The following ITGB5 variants were observed in gnomAD, a reference collection of about 807,000 sequenced individuals.
The protein encoded by ITGB5 is integrin subunit beta 5, also known as integrin beta-5.
In ITGB5, 38 loss-of-function variants were observed where a neutral mutation model predicts 84.8. That is an observed-to-expected ratio of 0.45 (90% CI 0.35 to 0.59). The LOEUF (loss-of-function observed/expected upper bound fraction) is 0.59. Ranked by LOEUF, ITGB5 falls within the 20% of genes least tolerant of loss-of-function variation. The pLI is 0.01. For missense variants in ITGB5, 905 were observed against 1,034.5 expected, an observed-to-expected ratio of 0.87 and a Z score of 1.72; for synonymous variants, 393 against 414.4, an observed-to-expected ratio of 0.95 and a Z score of 0.63.
At chr3:124,848,283 C>G in intron 4 of ITGB5, 26 bp downstream of exon 4, 1 of 1,610,958 alleles carries the variant, frequency 6.2e-7, no homozygotes, top group Non-Finnish European at 8.5e-7. Flanking sequence ...CTTAAGTACC[C>G]AACAGAAGGG....
intron 13 of ITGB5, 144 bp downstream of exon 13, chr3:124,766,082 A>G: frequency 1.2e-6 from 1 of 822,852 alleles, no homozygotes; most frequent in Non-Finnish European, 1.9e-6. Flanking sequence ...AAAAAGAAAA[A>G]GAAGAAATTG....
At chr3:124,767,085 C>T (rs544178306) in intron 12 of ITGB5, among the ~76,000 whole-genome samples, 1 of 152,326 alleles carries the variant, frequency 6.6e-6, no homozygotes, top group Non-Finnish European at 1.5e-5. Context: ...CAAGGCTTCC[C>T]TGGGAGAGGG....
Position 124,819,762 on chromosome 3 carries a change from T to G in ITGB5, c.1015A>C (p.Lys339Gln). The G allele has an allele frequency of 6.2e-7, 1 of 1,613,542 alleles. No individual in the cohort carries two copies. The highest frequency in any genetic ancestry group is 8.5e-7 in the Non-Finnish European group (1 of 1,179,432). ...NNINLIFAVTKNHYMLYKNFT... is the reference protein window; with the variant it reads ...NNINLIFAVTQNHYMLYKNFT... ...ACCTTGTACAGCATATAATGGTTTT[T>G]TGTCACTGCAAAGATGAGGTTGATG... The change falls in exon 7 of 15, where the codon AAA (lysine) becomes CAA (glutamine). Residue 339 changes from lysine (K) to glutamine (Q), a missense_variant. Lys to Gln is a moderately conservative substitution (Grantham distance 53). Coordinates refer to ENST00000296181, the MANE Select transcript of ITGB5 (RefSeq NM_002213.5).
Position 124,775,218 on chromosome 3 carries a change from G to C in ITGB5, c.1694-1306C>G, listed in dbSNP as rs552881063. Among the ~76,000 whole-genome samples, 385 of 152,158 alleles carry C rather than the reference G, an allele frequency of 2.5e-3. 3 individuals carry two copies. The highest frequency in any genetic ancestry group is 8.5e-3 in the African/African-American group (352 of 41,382). The stretch of plus-strand genomic sequence containing the variant: ...AATGTGTGTGCTTGTGAGAAAGCGA[G>C]TGTGAGTGTGTATGAGTGTGTGAGT... On this transcript the variant is annotated intron_variant, in intron 10 of 14. Coordinates refer to ENST00000296181, the MANE Select transcript of ITGB5 (RefSeq NM_002213.5).
chr3:124,778,892 T>A (rs1418471648), intron 10 of ITGB5, among the ~76,000 whole-genome samples: 1 of 149,678 alleles, frequency 6.7e-6, no homozygotes, highest in Non-Finnish European at 1.5e-5. Context: ...AGCAGAGGAG[T>A]TCAGGGAAAC....
intron 2 of ITGB5, chr3:124,862,497 G>A (rs2065318859): frequency 6.6e-6 from 1 of 152,172 alleles, no homozygotes; most frequent in African/African-American, 2.4e-5. Flanking sequence ...ATTTTTGATG[G>A]ATACTACCCA....
chr3:124,787,906 GCT>G (rs1491532581), intron 10 of ITGB5: 3 of 128,686 alleles, frequency 2.3e-5, no homozygotes, highest in African/African-American at 9.7e-5. Context: ...GAAACAGATA[GCT>G]CTTTTTTTTT....
At chr3:124,774,219 T>C (rs547408217) in intron 10 of ITGB5, among the ~76,000 whole-genome samples, 10 of 152,212 alleles carry the variant, frequency 6.6e-5, no homozygotes, top group African/African-American at 9.6e-5. Flanking sequence ...GTGTGAATAA[T>C]GGCCCCCAAA....
At chr3:124,819,689 ACCACCCACTTCACCCCACAAATC>A in intron 7 of ITGB5, 27 bp downstream of exon 7, 1 of 1,329,340 alleles carries the variant, frequency 7.5e-7, no homozygotes, top group Non-Finnish European at 1.1e-6. Flanking sequence ...AACACTCCTC[ACCACCCACTTCACCCCACAAATC>A]ACTAGCCTCC....
At chr3:124,769,284 A>G in intron 11 of ITGB5, 171 bp from the exon 12 acceptor site, 1 of 588,214 alleles carries the variant, frequency 1.7e-6, no homozygotes, top group Admixed American at 3.0e-5. Flanking sequence ...TATGGGAGGA[A>G]GCCCAAGGGT....
chr3:124,778,273 AG>A (rs2063953260), intron 10 of ITGB5, among the ~76,000 whole-genome samples: 1 of 152,254 alleles, frequency 6.6e-6, no homozygotes, highest in Non-Finnish European at 1.5e-5. Flanking sequence ...CCAAATGGAC[AG>A]GAAGTTGTAA....
chr3:124,800,600 G>A (rs559663564), intron 9 of ITGB5, among the ~76,000 whole-genome samples: 13 of 149,086 alleles, frequency 8.7e-5, no homozygotes, highest in Admixed American at 8.0e-4. Context: ...AGCCTGGAGT[G>A]TAGCCAGATG....
intron 9 of ITGB5, among the ~76,000 whole-genome samples, chr3:124,800,954 T>C (rs888450320): frequency 6.6e-6 from 1 of 152,202 alleles, no homozygotes; most frequent in Non-Finnish European, 1.5e-5. Flanking sequence ...TAGAACTTCA[T>C]TGGGATTCTC....
intron 3 of ITGB5, among the ~76,000 whole-genome samples, chr3:124,858,766 G>C (rs1002117768): frequency 2.0e-5 from 3 of 151,920 alleles, no homozygotes; most frequent in African/African-American, 7.3e-5. Flanking sequence ...GTTGCTCCCT[G>C]ATTTAAACAA....
chr3:124,865,661 C>G (rs1176222467), intron 2 of ITGB5, among the ~76,000 whole-genome samples: 1 of 151,226 alleles, frequency 6.6e-6, no homozygotes, highest in Non-Finnish European at 1.5e-5. Flanking sequence ...TGATTTTTTA[C>G]TTTTTTTGTA....
At chr3:124,827,991 C>G (rs997015967) in intron 5 of ITGB5, among the ~76,000 whole-genome samples, 5 of 151,988 alleles carry the variant, frequency 3.3e-5, no homozygotes, top group African/African-American at 1.2e-4. Context: ...CCCCAACGCC[C>G]CCGCCGCCAG....
intron 5 of ITGB5, among the ~76,000 whole-genome samples, chr3:124,838,195 G>C (rs2064962740): frequency 7.0e-6 from 1 of 142,744 alleles, no homozygotes; most frequent in African/African-American, 2.6e-5. Context: ...TTCTGAAACT[G>C]TTCCAGAATA....
chr3:124,764,319 T>A (rs2063735763), intron 14 of ITGB5, 72 bp downstream of exon 14: 1 of 1,494,454 alleles, frequency 6.7e-7, no homozygotes, highest in Non-Finnish European at 9.1e-7. Flanking sequence ...CCTCTATTGC[T>A]AACATACCGC....
intron 1 of ITGB5, among the ~76,000 whole-genome samples, chr3:124,877,847 C>A (rs1288951691): frequency 1.6e-5 from 2 of 121,688 alleles, no homozygotes; most frequent in Admixed American, 7.8e-5. Flanking sequence ...ATCAAAGCCA[C>A]ATAATTTTTT....
Sources: gnomAD v4.1 joint callset for allele counts (sites outside exome capture counted in the v4.1 genomes callset) on GRCh38, gnomAD v4.1.1 for gene constraint, MANE v1.5 for transcripts, NCBI Gene and HGNC (gene_info 2026-07-23, HGNC 2026-07-21) for gene names.